SHISA9: variants seen among roughly 807,000 people sequenced by gnomAD.
SHISA9 encodes shisa family member 9, also known as protein shisa-9.
Under a neutral mutation model 38.0 loss-of-function variants are expected in SHISA9, and 13 were observed. That is an observed-to-expected ratio of 0.34 (90% CI 0.22 to 0.54). The LOEUF (loss-of-function observed/expected upper bound fraction) is 0.54, where lower values mean the gene tolerates loss of function less well. Ranked by LOEUF, SHISA9 falls within the 20% of genes least tolerant of loss-of-function variation. The pLI is 0.91. For synonymous variants in SHISA9, 275 were observed against 242.0 expected (o/e 1.14, Z -1.27); for missense variants, 538 against 575.8 (o/e 0.93, Z 0.67).
intron 2 of SHISA9, among the ~76,000 whole-genome samples, chr16:13,196,500 ACT>A (rs778906030): frequency 7.9e-5 from 12 of 152,174 alleles, no homozygotes; most frequent in Non-Finnish European, 1.3e-4. Flanking sequence ...AGTCTGAGAA[ACT>A]GTCACACGCA....
the SHISA9 span, among the ~76,000 whole-genome samples, chr16:13,322,085 CTTCT>C: frequency 3.3e-5 from 5 of 152,198 alleles, no homozygotes; most frequent in Non-Finnish European, 5.9e-5. Context: ...CAACTATTCT[CTTCT>C]TTAATTCTCA....
rs114675264 is a variant in SHISA9 at position 13,078,010 on chromosome 16, G to C, written c.692-125384G>C. On this transcript the variant is annotated intron_variant, in intron 2 of 4. Coordinates refer to ENST00000558583, the MANE Select transcript of SHISA9 (RefSeq NM_001145204.3). ...AAGCTCAAGCAATAGAAATCCCAGGGGACTGGCTTTATTGACTAAAACCAC... is the reference window on the plus strand; with the variant it reads ...AAGCTCAAGCAATAGAAATCCCAGGCGACTGGCTTTATTGACTAAAACCAC... 5.6e-3 allele frequency among the ~76,000 whole-genome samples: 848 copies of C among 152,174 alleles called. 6 individuals carry two copies. The highest frequency in any genetic ancestry group is 0.019 in the African/African-American group (806 of 41,524).
the SHISA9 span, among the ~76,000 whole-genome samples, chr16:13,503,687 C>CAAAA: frequency 6.7e-6 from 1 of 148,244 alleles, no homozygotes. Context: ...AAGGAGTGAC[C>CAAAA]AAAAAAAAAA....
chr16:12,967,574 TAAA>T (rs1204297362), intron 2 of SHISA9, among the ~76,000 whole-genome samples: 1 of 151,174 alleles, frequency 6.6e-6, no homozygotes, highest in African/African-American at 2.4e-5. Context: ...ATAATAAAAA[TAAA>T]AAATAAATAA....
chr16:12,950,725 C>T (rs755528325), intron 2 of SHISA9, among the ~76,000 whole-genome samples: 17 of 151,640 alleles, frequency 1.1e-4, no homozygotes, highest in Non-Finnish European at 2.1e-4. Context: ...TCTCCTGCCT[C>T]AGCCTCCTGA....
At chr16:13,072,207 G>A (rs936912937) in intron 2 of SHISA9, among the ~76,000 whole-genome samples, 1 of 152,264 alleles carries the variant, frequency 6.6e-6, no homozygotes, top group Non-Finnish European at 1.5e-5. Context: ...GTGAGGTTGA[G>A]AAGCGGTGGC....
the SHISA9 span, among the ~76,000 whole-genome samples, chr16:13,436,146 T>C: frequency 7.9e-5 from 12 of 152,198 alleles, no homozygotes; most frequent in African/African-American, 2.4e-4. Flanking sequence ...TGAAACCTAC[T>C]GGGCTGCATT....
chr16:13,004,220 C>G (rs893640089), intron 2 of SHISA9, among the ~76,000 whole-genome samples: 1 of 152,162 alleles, frequency 6.6e-6, no homozygotes, highest in Non-Finnish European at 1.5e-5. Flanking sequence ...CTGGAAAATC[C>G]TTAGTGACCA....
In SHISA9 at chr16:13,217,116, A is replaced by G. The variant is rs1190296965; in HGVS notation, c.895+3816A>G. Among the ~76,000 whole-genome samples the G allele has an allele frequency of 4.9e-3, 438 of 89,374 alleles. 1 individual carries two copies. Among genetic ancestry groups the G allele is most frequent in the Middle Eastern group, 6.3e-3 (1 of 160 alleles). The allele number at this position is 89,374 out of a possible 152,430, so 58.6% of individuals were successfully genotyped here. ...GAAACCCCATCTCTACTAAAAATAC[A>G]AAAAAAAAAAAAATTGCAGGGAGTG... On this transcript the variant is annotated intron_variant, in intron 4 of 4. Coordinates refer to ENST00000558583, the MANE Select transcript of SHISA9 (RefSeq NM_001145204.3).
In SHISA9 at chr16:13,087,213, A is replaced by G. The variant is rs1567207791; in HGVS notation, c.692-116181A>G. On this transcript the variant is annotated intron_variant, in intron 2 of 4. Transcript: ENST00000558583. ...TGGTGTATACGTGCCACATTTTCTT[A>G]ATGCAGTCTATCATTGATGGACATT... 2.4e-5 allele frequency among the ~76,000 whole-genome samples: 3 copies of G among 124,580 alleles called. No homozygotes were observed. The East Asian group carries it at 7.0e-4, about 29-fold the overall frequency. 81.7% of individuals were successfully genotyped at this position (124,580 alleles called of 152,430 possible). A position where few individuals can be genotyped will look rare whatever the true frequency, so the allele number is the denominator to read the frequency against.
intron 2 of SHISA9, among the ~76,000 whole-genome samples, chr16:12,923,649 A>G (rs938637727): frequency 6.6e-6 from 1 of 152,120 alleles, no homozygotes; most frequent in Non-Finnish European, 1.5e-5. Context: ...GTTTGTGCCT[A>G]TTTGAAAATA....
rs116807313 is a variant in SHISA9, at chr16:12,994,406, A to C, written c.691+77591A>C. Reference sequence around the variant, plus strand: ...CTCCACTGATGCTGGGCTTAGCCCCATGACGTGATTTGGTGATTGTAATAT... The same window carrying C: ...CTCCACTGATGCTGGGCTTAGCCCCCTGACGTGATTTGGTGATTGTAATAT... On this transcript the variant is annotated intron_variant, in intron 2 of 4. Transcript: ENST00000558583. Among the ~76,000 whole-genome samples the C allele has an allele frequency of 4.6e-3, 698 of 152,320 alleles. 5 individuals are homozygous for C. Among genetic ancestry groups the C allele is most frequent in the African/African-American group, 0.016 (677 of 41,566 alleles).
chr16:13,032,003 AC>A lies in SHISA9; in HGVS notation c.691+115189del, dbSNP rs1159907406. ...GTTGCAACTGTCTATCCAACTTTCA[AC>A]TTTTTTTTTTTTCAAATTTTACTTT... On this transcript the variant is annotated intron_variant, in intron 2 of 4. Transcript: ENST00000558583. Among the ~76,000 whole-genome samples, 4 of 150,566 alleles carry A rather than the reference AC, an allele frequency of 2.7e-5. No homozygotes were observed. In the South Asian group the frequency reaches 6.3e-4, roughly 24 times the overall value.
chr16:13,289,596 A>G, the SHISA9 span, among the ~76,000 whole-genome samples: 1 of 151,914 alleles, frequency 6.6e-6, no homozygotes, highest in African/African-American at 2.4e-5. Flanking sequence ...GTGATGAAGG[A>G]GGGTAGGAAA....
At chr16:13,398,156 A>G in the SHISA9 span, among the ~76,000 whole-genome samples, 1 of 152,154 alleles carries the variant, frequency 6.6e-6, no homozygotes, top group Non-Finnish European at 1.5e-5. Flanking sequence ...TTATATTCAC[A>G]GGATGGGGGC....
the SHISA9 span, among the ~76,000 whole-genome samples, chr16:13,308,869 C>A: frequency 3.3e-5 from 5 of 152,114 alleles, no homozygotes; most frequent in African/African-American, 1.2e-4. Context: ...TTATGTGGCA[C>A]AGGAGCCTCC....
the SHISA9 span, among the ~76,000 whole-genome samples, chr16:13,445,939 G>A: frequency 6.6e-6 from 1 of 152,046 alleles, no homozygotes; most frequent in South Asian, 2.1e-4. Context: ...TTAGAATATT[G>A]CCTAGTACTT....
intron 2 of SHISA9, among the ~76,000 whole-genome samples, chr16:13,128,169 G>A (rs1320976881): frequency 6.6e-6 from 1 of 152,096 alleles, no homozygotes; most frequent in Non-Finnish European, 1.5e-5. Context: ...ACTTCCTGCT[G>A]ATTTTCTGAG....
the SHISA9 span, among the ~76,000 whole-genome samples, chr16:13,349,877 A>G: frequency 1.3e-5 from 2 of 152,206 alleles, no homozygotes; most frequent in Non-Finnish European, 2.9e-5. Flanking sequence ...CAAAAAGACC[A>G]AGGTCTTTAG....
Sources: gnomAD v4.1 joint callset for allele counts (sites outside exome capture counted in the v4.1 genomes callset) on GRCh38, gnomAD v4.1.1 for gene constraint, MANE v1.5 for transcripts, NCBI Gene and HGNC (gene_info 2026-07-23, HGNC 2026-07-21) for gene names.